Variants in GRIA4 observed in about 807,000 individuals in gnomAD.
The protein encoded by GRIA4 is glutamate receptor 4.
A neutral mutation model predicts 104.0 loss-of-function variants in GRIA4; 34 were observed. That is an observed-to-expected ratio of 0.33 (90% CI 0.25 to 0.44). The LOEUF (loss-of-function observed/expected upper bound fraction) is 0.44, where lower values mean the gene tolerates loss of function less well. GRIA4 is among the 20% of genes least tolerant of loss of function. The pLI, the probability that GRIA4 is intolerant of heterozygous loss-of-function variation, is 1.00. For synonymous variants in GRIA4, 386 were observed against 381.9 expected, an observed-to-expected ratio of 1.01 and a Z score of -0.13; for missense variants, 750 against 1,096.5, an observed-to-expected ratio of 0.68 and a Z score of 4.46.
At chr11:105,806,443 G>A (rs1364001022) in intron 4 of GRIA4, among the ~76,000 whole-genome samples, 2 of 151,884 alleles carry the variant, frequency 1.3e-5, no homozygotes, top group East Asian at 3.9e-4. Context: ...TCTGGGGCTG[G>A]AAACAGGTAT....
intron 14 of GRIA4, among the ~76,000 whole-genome samples, chr11:105,944,440 TA>T (rs1948256547): frequency 6.6e-6 from 1 of 152,168 alleles, no homozygotes; most frequent in Non-Finnish European, 1.5e-5. Context: ...TTTGTTTTTT[TA>T]TGGGAGCCAA....
At chr11:105,881,240 T>C (rs2136080990) in intron 5 of GRIA4, among the ~76,000 whole-genome samples, 1 of 152,216 alleles carries the variant, frequency 6.6e-6, no homozygotes, top group East Asian at 1.9e-4. Flanking sequence ...TCTCAGGAAT[T>C]GTATGTGGGC....
At chr11:105,697,533 A>G (rs1485520560) in intron 3 of GRIA4, among the ~76,000 whole-genome samples, 1 of 152,206 alleles carries the variant, frequency 6.6e-6, no homozygotes, top group East Asian at 1.9e-4. Context: ...TTGCTTTTCA[A>G]AGAAGGCACA....
chr11:105,743,961 A>G (rs1399563772), intron 3 of GRIA4, among the ~76,000 whole-genome samples: 1 of 151,982 alleles, frequency 6.6e-6, no homozygotes. Flanking sequence ...TTGCCCTTTT[A>G]TGATCTCTTT....
chr11:105,979,845 G>A lies in GRIA4; in HGVS notation c.*106G>A. 1 of 777,856 alleles carries A rather than the reference G, an allele frequency of 1.3e-6. No individual in the cohort carries two copies. The highest frequency in any genetic ancestry group is 2.1e-6 in the Non-Finnish European group (1 of 484,874). 48.2% of individuals were successfully genotyped at this position (777,856 alleles called of 1,614,324 possible). A position where few individuals can be genotyped will look rare whatever the true frequency, so the allele number is the denominator to read the frequency against. On this transcript the variant is annotated 3_prime_UTR_variant, in exon 17 of 17. Transcript: ENST00000282499. ...GGGTCTTTGCTAAACCAATCCTTTG[G>A]CTGAGAGCGGGAAGTCCGTCCTAAC...
At position 105,924,423 on chromosome 11, in the gene GRIA4, C is replaced by T. The variant is rs115477628; in HGVS notation, c.1501C>T (p.Leu501=). The change falls in exon 12 of 17, where the codon CTG becomes TTG. Residue 501 remains leucine (L), a synonymous_variant. Transcript: ENST00000282499. ...GAAAGCAGAGATTGCTATTGCCCCT[C>T]TGACAATCACTTTGGTACGAGAGGA... ...YGKAEIAIAP[L]TITLVREEVI... is the part of the protein sequence containing the mutation. 6.9e-6 allele frequency: 11 copies of T among 1,601,212 alleles called. No individual in the cohort carries two copies. The East Asian group carries it at 2.5e-4, about 36-fold the overall frequency.
chr11:105,894,579 T>C (rs114076688), intron 6 of GRIA4, among the ~76,000 whole-genome samples: 140 of 152,184 alleles, frequency 9.2e-4, no homozygotes, highest in African/African-American at 3.3e-3. Context: ...TATTTTTTCG[T>C]AGATAGCCAA....
At chr11:105,630,161 T>C (rs1297909878) in intron 3 of GRIA4, among the ~76,000 whole-genome samples, 1 of 152,180 alleles carries the variant, frequency 6.6e-6, no homozygotes, top group African/African-American at 2.4e-5. Context: ...TACGTGATAT[T>C]ATTATTTATT....
intron 9 of GRIA4, among the ~76,000 whole-genome samples, chr11:105,908,252 C>T (rs631002): frequency 0.47 from 72,194 of 152,008 alleles, 17,188 homozygotes; most frequent in Admixed American, 0.51. Context: ...TCTGACATCC[C>T]TTATCAATTT....
At chr11:105,730,589 A>C (rs1938524012) in intron 3 of GRIA4, among the ~76,000 whole-genome samples, 1 of 152,216 alleles carries the variant, frequency 6.6e-6, no homozygotes, top group African/African-American at 2.4e-5. Flanking sequence ...AAGCAAAAAG[A>C]ACAAAGCTGG....
At chr11:105,871,543 A>C (rs1945615570) in intron 5 of GRIA4, among the ~76,000 whole-genome samples, 1 of 151,354 alleles carries the variant, frequency 6.6e-6, no homozygotes, top group African/African-American at 2.4e-5. Flanking sequence ...CATTTTAACA[A>C]ATGTAAATAT....
At chr11:105,717,919 G>C (rs1268317181) in intron 3 of GRIA4, among the ~76,000 whole-genome samples, 1 of 130,952 alleles carries the variant, frequency 7.6e-6, no homozygotes, top group African/African-American at 3.0e-5. Flanking sequence ...AAAATGATGA[G>C]TTCATGCCCT....
chr11:105,907,833 C>G (rs980576806), intron 9 of GRIA4, among the ~76,000 whole-genome samples: 11 of 152,008 alleles, frequency 7.2e-5, no homozygotes, highest in African/African-American at 2.7e-4. Context: ...AAGTAAGGTT[C>G]AAAGAAACTA....
intron 3 of GRIA4, among the ~76,000 whole-genome samples, chr11:105,664,734 G>C (rs1952114911): frequency 6.6e-6 from 1 of 151,818 alleles, no homozygotes; most frequent in Non-Finnish European, 1.5e-5. Flanking sequence ...ATCACTTTTG[G>C]ACCAATGGTT....
At chr11:105,676,443 C>G (rs1368295351) in intron 3 of GRIA4, among the ~76,000 whole-genome samples, 2 of 151,606 alleles carry the variant, frequency 1.3e-5, no homozygotes, top group Admixed American at 6.6e-5. Context: ...TTCTAGTACT[C>G]TGCAACATTT....
At chr11:105,873,366 A>G (rs1183782329) in intron 5 of GRIA4, among the ~76,000 whole-genome samples, 1 of 152,186 alleles carries the variant, frequency 6.6e-6, no homozygotes, top group Non-Finnish European at 1.5e-5. Flanking sequence ...TATTGTGAAT[A>G]GTGCTGCAAT....
At chr11:105,632,303 C>T (rs1032246022) in intron 3 of GRIA4, among the ~76,000 whole-genome samples, 15 of 152,330 alleles carry the variant, frequency 9.8e-5, no homozygotes, top group African/African-American at 3.4e-4. Flanking sequence ...CACCCCATCT[C>T]ATCTCCACAT....
In GRIA4 at chr11:105,671,745, G is replaced by C. The variant is rs115689167; in HGVS notation, c.247+59311G>C. ...TTTTATAGTCAATATATTATGGGAAGAAAAATTTTACAAGATAATCATTTA... is the reference window on the plus strand; with the variant it reads ...TTTTATAGTCAATATATTATGGGAACAAAAATTTTACAAGATAATCATTTA... On this transcript the variant is annotated intron_variant, in intron 3 of 16. Coordinates refer to ENST00000282499, the MANE Select transcript of GRIA4 (RefSeq NM_000829.4). 3.1e-3 allele frequency among the ~76,000 whole-genome samples: 444 copies of C among 141,350 alleles called. 2 individuals carry two copies. The highest frequency in any genetic ancestry group is 0.011 in the African/African-American group (404 of 37,840). The allele number at this position is 141,350 out of a possible 152,430, so 92.7% of individuals were successfully genotyped here.
chr11:105,817,928 T>C (rs898635304), intron 4 of GRIA4, among the ~76,000 whole-genome samples: 22 of 152,040 alleles, frequency 1.4e-4, no homozygotes, highest in African/African-American at 5.3e-4. Flanking sequence ...TTTAATTTAC[T>C]GAAGCAAGCA....
Sources: gnomAD v4.1 joint callset for allele counts (sites outside exome capture counted in the v4.1 genomes callset) on GRCh38, gnomAD v4.1.1 for gene constraint, MANE v1.5 for transcripts, NCBI Gene and HGNC (gene_info 2026-07-23, HGNC 2026-07-21) for gene names.